Variants in WWTR1 observed in about 807,000 individuals in gnomAD.
WWTR1 encodes WW domain containing transcription regulator 1, also known as WW domain-containing transcription regulator protein 1.
In WWTR1, 13 loss-of-function variants were observed where a neutral mutation model predicts 40.1. The ratio of observed to expected loss-of-function variants is 0.32; its 90% CI spans 0.21 to 0.52. The LOEUF (loss-of-function observed/expected upper bound fraction) is 0.52, where lower values mean the gene tolerates loss of function less well. Among genes scored for constraint, WWTR1 ranks in the 20% least tolerant of loss-of-function variants. WWTR1 has a pLI of 0.97. For missense variants in WWTR1, 436 were observed against 523.1 expected (o/e 0.83, Z 1.63); for synonymous variants, 230 against 210.1 (o/e 1.09, Z -0.82).
At chr3:149,659,873 A>T (rs137965197), upstream of WWTR1, 6 of 152,046 alleles carry the variant, frequency 3.9e-5, no homozygotes, top group East Asian at 1.2e-3. Context: ...CATAGACTGG[A>T]AGAAATTAGG....
intron 2 of WWTR1, among the ~76,000 whole-genome samples, chr3:149,579,112 T>C (rs1167491463): frequency 6.6e-6 from 1 of 152,226 alleles, no homozygotes; most frequent in African/African-American, 2.4e-5. Flanking sequence ...TTAAAACTAT[T>C]AGCAGCATGT....
chr3:149,702,880 AG>A (rs779282449), intron 1 of WWTR1: 10 of 152,218 alleles, frequency 6.6e-5, no homozygotes, highest in African/African-American at 1.7e-4. Context: ...CACACAGTCT[AG>A]GCCTACTCGA....
intron 2 of WWTR1, among the ~76,000 whole-genome samples, chr3:149,664,762 AT>A (rs1713736229): frequency 6.6e-6 from 1 of 151,522 alleles, no homozygotes; most frequent in African/African-American, 2.4e-5. Flanking sequence ...CTGATTTTGT[AT>A]TTTAGTAGAG....
chr3:149,591,731 G>C (rs1738732867), intron 2 of WWTR1, among the ~76,000 whole-genome samples: 1 of 152,060 alleles, frequency 6.6e-6, no homozygotes, highest in Admixed American at 6.5e-5. Flanking sequence ...TATATTAGAA[G>C]AAACATTTCA....
intron 3 of WWTR1, among the ~76,000 whole-genome samples, chr3:149,543,211 G>T (rs565671074): frequency 2.4e-4 from 37 of 152,270 alleles, no homozygotes; most frequent in African/African-American, 8.2e-4. Flanking sequence ...CTGGATAAAC[G>T]CATGAGAAAT....
At chr3:149,668,452 C>CA (rs1292459655) in intron 2 of WWTR1, among the ~76,000 whole-genome samples, 1 of 151,734 alleles carries the variant, frequency 6.6e-6, no homozygotes, top group East Asian at 1.9e-4. Context: ...ACTAAAAATA[C>CA]AAAAAATTAG....
chr3:149,684,197 A>C (rs549301888), intron 1 of WWTR1, among the ~76,000 whole-genome samples: 12 of 152,176 alleles, frequency 7.9e-5, no homozygotes, highest in African/African-American at 2.6e-4. Context: ...ATATATAATC[A>C]CATAAGTAGA....
intron 2 of WWTR1, among the ~76,000 whole-genome samples, chr3:149,637,738 T>C (rs1273761285): frequency 6.6e-6 from 1 of 152,174 alleles, no homozygotes; most frequent in Admixed American, 6.5e-5. Flanking sequence ...ATAGATCAAA[T>C]TACTATGGGG....
chr3:149,633,093 TA>T (rs1196427827), intron 2 of WWTR1, among the ~76,000 whole-genome samples: 1 of 152,132 alleles, frequency 6.6e-6, no homozygotes. Flanking sequence ...ATGAAGCTGT[TA>T]AAAAATAAGT....
chr3:149,640,096 C>A (rs146157721), intron 2 of WWTR1, among the ~76,000 whole-genome samples: 1 of 152,072 alleles, frequency 6.6e-6, no homozygotes, highest in Non-Finnish European at 1.5e-5. Context: ...CTTGGATTGC[C>A]CTTATTCACG....
intron 1 of WWTR1, among the ~76,000 whole-genome samples, chr3:149,697,139 A>C (rs116151077): frequency 6.2e-4 from 95 of 152,322 alleles, no homozygotes; most frequent in Middle Eastern, 3.4e-3. Context: ...TGGGGAATTT[A>C]TAAATAAAAG....
rs1734873736 is a variant in WWTR1, at chr3:149,518,105, C to T, written c.*2700G>A. Reference sequence around the variant, plus strand: ...GATTTCTAACTTTAGTGTTCTTTAACAAAGGCCATATTTTGTGGCCTTAAA... The same window carrying T: ...GATTTCTAACTTTAGTGTTCTTTAATAAAGGCCATATTTTGTGGCCTTAAA... On this transcript the variant is annotated 3_prime_UTR_variant, in exon 7 of 7. Transcript: ENST00000360632. The T allele has an allele frequency of 6.6e-6, 1 of 152,032 alleles. No homozygotes were observed. The highest frequency in any genetic ancestry group is 2.4e-5 in the African/African-American group (1 of 41,432). 9.4% of individuals were successfully genotyped at this position (152,032 alleles called of 1,614,324 possible).
chr3:149,672,887 G>T (rs374341771), intron 1 of WWTR1, among the ~76,000 whole-genome samples: 1 of 151,004 alleles, frequency 6.6e-6, no homozygotes, highest in South Asian at 2.1e-4. Context: ...GGGCTCAAGC[G>T]ATCCTCCCGC....
At chr3:149,709,274 CTTTT>C (rs34267226) in intron 5 of WWTR1, among the ~76,000 whole-genome samples, 1 of 145,810 alleles carries the variant, frequency 6.9e-6, no homozygotes, top group African/African-American at 2.5e-5. Flanking sequence ...CATGTCTGGC[CTTTT>C]TTTTTTTTTT....
chr3:149,590,660 A>G (rs1738666496), intron 2 of WWTR1, among the ~76,000 whole-genome samples: 1 of 152,216 alleles, frequency 6.6e-6, no homozygotes, highest in South Asian at 2.1e-4. Flanking sequence ...AAAAAGATAC[A>G]GAAACAGAGT....
intron 3 of WWTR1, among the ~76,000 whole-genome samples, chr3:149,546,668 A>G (rs2107946079): frequency 6.6e-6 from 1 of 152,376 alleles, no homozygotes; most frequent in Non-Finnish European, 1.5e-5. Flanking sequence ...AATGTAAAAC[A>G]TAAGTGAAAA....
chr3:149,648,460 T>A (rs1046092164), intron 2 of WWTR1, among the ~76,000 whole-genome samples: 7 of 150,380 alleles, frequency 4.7e-5, no homozygotes, highest in Non-Finnish European at 1.0e-4. Flanking sequence ...AAAACAGTAA[T>A]ATGAGAGTGG....
At chr3:149,567,744 T>C (rs11929151) in intron 3 of WWTR1, among the ~76,000 whole-genome samples, 16,451 of 152,256 alleles carry the variant, frequency 0.11, 1,125 homozygotes, top group Non-Finnish European at 0.15. Context: ...AACAACGTTA[T>C]CAGATAGGTA....
chr3:149,710,355 T>A (rs373536653), intron 5 of WWTR1, among the ~76,000 whole-genome samples: 72 of 152,198 alleles, frequency 4.7e-4, no homozygotes, highest in Middle Eastern at 6.8e-3. Flanking sequence ...CAGGGAGACA[T>A]CATTGCAGTT....
Sources: allele counts gnomAD v4.1 joint callset (sites outside exome capture counted in the v4.1 genomes callset), GRCh38; gene constraint gnomAD v4.1.1; transcripts MANE v1.5; gene names NCBI Gene and HGNC (gene_info 2026-07-23, HGNC 2026-07-21).